The following USP49 variants were observed in gnomAD, a reference collection of about 807,000 sequenced individuals.
USP49 encodes the protein ubiquitin specific peptidase 49.
A neutral mutation model predicts 58.6 loss-of-function variants in USP49; 24 were observed. The observed-to-expected ratio is 0.41, with a 90% confidence interval of 0.30 to 0.58. The LOEUF is 0.58. Among genes scored for constraint, USP49 ranks in the 20% least tolerant of loss-of-function variants. The pLI is 0.30. For missense variants in USP49, 703 were observed against 866.1 expected (o/e 0.81, Z 2.36); for synonymous variants, 408 against 365.1 (o/e 1.12, Z -1.34).
At chr6:41,821,404 TTAG>T in intron 3 of USP49, among the ~76,000 whole-genome samples, 1 of 152,222 alleles carries the variant, frequency 6.6e-6, no homozygotes, top group Admixed American at 6.5e-5. Context: ...TGAAGCCACT[TTAG>T]TCAGTCTGTT....
chr6:41,872,719 A>G (rs1410189481), intron 2 of USP49, among the ~76,000 whole-genome samples: 3 of 149,744 alleles, frequency 2.0e-5, no homozygotes, highest in South Asian at 4.3e-4. Context: ...TAACATGGTG[A>G]AACCCCATCT....
intron 3 of USP49, among the ~76,000 whole-genome samples, chr6:41,835,804 T>G (rs1033091606): frequency 1.3e-5 from 2 of 151,724 alleles, no homozygotes; most frequent in South Asian, 4.2e-4. Flanking sequence ...CTGGGCACAG[T>G]AGCTCATGCC....
In USP49 at chr6:41,811,075, CA is replaced by C. The variant is rs564568674; in HGVS notation, c.-28-4065del. Among the ~76,000 whole-genome samples, 102 of 152,184 alleles carry C rather than the reference CA, an allele frequency of 6.7e-4. 3 individuals carry two copies. The South Asian group carries it at 0.015, about 22-fold the overall frequency. ...CAAATAAATAAATATACTGCAGGAC[CA>C]AATTAGAGATTCTTCCCTTTTTTAT... is the stretch of plus-strand genomic sequence containing the variant. On this transcript the variant is annotated intron_variant, in intron 3 of 7. Transcript: ENST00000682992.
chr6:41,854,000 G>GA lies in USP49; in HGVS notation c.-29+17563dup, dbSNP rs1314186814. The stretch of plus-strand genomic sequence containing the variant: ...GGCAACAACAGCGAGACTCTGTCTC[G>GA]AAAAAAAAAAAAAAAAAAAAAAAGA... On this transcript the variant is annotated intron_variant, in intron 3 of 7. Transcript: ENST00000682992. 5.5e-4 allele frequency among the ~76,000 whole-genome samples: 62 copies of GA among 113,136 alleles called. 1 individual carries two copies. Among genetic ancestry groups the GA allele is most frequent in the East Asian group, 1.7e-3 (6 of 3,620 alleles). 74.2% of individuals were successfully genotyped at this position (113,136 alleles called of 152,430 possible).
At chr6:41,809,668 T>C (rs1285388778) in intron 3 of USP49, among the ~76,000 whole-genome samples, 3 of 131,228 alleles carry the variant, frequency 2.3e-5, no homozygotes, top group Admixed American at 7.7e-5. Flanking sequence ...CTACTAAAAA[T>C]ACAAAAAATT....
chr6:41,795,124 T>C lies in USP49; in HGVS notation c.*1409A>G, dbSNP rs1772865328. 1 of 152,212 alleles carries C rather than the reference T, an allele frequency of 6.6e-6. No homozygotes were observed. Among genetic ancestry groups the C allele is most frequent in the Admixed American group, 6.5e-5 (1 of 15,282 alleles). 9.4% of individuals were successfully genotyped at this position (152,212 alleles called of 1,614,324 possible). ...TACCTGAATTCAAACATTAATATGA[T>C]ATACTCAGTCAAAAGATGAGCATTC... is the stretch of plus-strand genomic sequence containing the variant. On this transcript the variant is annotated 3_prime_UTR_variant, in exon 8 of 8. Coordinates refer to ENST00000682992, the MANE Select transcript of USP49 (RefSeq NM_001286554.2).
chr6:41,805,699 A>G lies in USP49; in HGVS notation c.1285T>C (p.Ser429Pro). The change falls in exon 4 of 8, where the codon TCC becomes CCC. Residue 429 changes from serine to proline, a missense_variant. By Grantham distance (74) the Ser-to-Pro change is moderately conservative. Transcript: ENST00000682992. The stretch of plus-strand genomic sequence containing the variant: ...ACCTGTTTGGTGAGCTTCCTCTGGG[A>G]GAAGGGGATGAGGATCCGGCGTGTG... ...GTTRRILIPF[S>P]QRKLTKQVLK... 6.2e-7 allele frequency: 1 copy of G among 1,614,052 alleles called. No homozygotes were observed. The highest frequency in any genetic ancestry group is 8.5e-7 in the Non-Finnish European group (1 of 1,180,000).
intron 2 of USP49, among the ~76,000 whole-genome samples, chr6:41,879,369 C>T (rs1317652495): frequency 2.0e-5 from 3 of 152,140 alleles, no homozygotes; most frequent in Non-Finnish European, 4.4e-5. Context: ...GCTGGGACCA[C>T]AGGTGCATGC....
intron 3 of USP49, among the ~76,000 whole-genome samples, chr6:41,871,354 T>A (rs2149274): frequency 6.6e-6 from 1 of 151,928 alleles, no homozygotes; most frequent in Non-Finnish European, 1.5e-5. Context: ...ACTTCAAATA[T>A]GGCTGTGTCC....
intron 5 of USP49, among the ~76,000 whole-genome samples, chr6:41,801,323 C>CT (rs1772993499): frequency 6.6e-6 from 1 of 152,150 alleles, no homozygotes; most frequent in Non-Finnish European, 1.5e-5. Context: ...GCATCTGATT[C>CT]CAAGTCCTGT....
intron 2 of USP49, among the ~76,000 whole-genome samples, chr6:41,872,311 C>T (rs555172698): frequency 3.3e-5 from 5 of 152,338 alleles, no homozygotes; most frequent in Middle Eastern, 3.4e-3. Flanking sequence ...TTGTGTCATC[C>T]TAACAGCTAA....
At chr6:41,807,596 C>G (rs1773165007) in intron 3 of USP49, among the ~76,000 whole-genome samples, 1 of 152,068 alleles carries the variant, frequency 6.6e-6, no homozygotes, top group South Asian at 2.1e-4. Context: ...GCCACGCCAC[C>G]ACACCCGGCT....
intron 4 of USP49, 132 bp from the exon 5 acceptor site, chr6:41,804,142 A>G: frequency 2.8e-6 from 2 of 713,504 alleles, no homozygotes; most frequent in Non-Finnish European, 4.4e-6. Context: ...TATTAAAATA[A>G]TAAACATAAC....
chr6:41,866,656 G>A (rs1289137903), intron 3 of USP49, among the ~76,000 whole-genome samples: 1 of 152,186 alleles, frequency 6.6e-6, no homozygotes, highest in Non-Finnish European at 1.5e-5. Context: ...AATGAGAAGA[G>A]TGGCCTTATT....
At chr6:41,894,448 T>C (rs1774861986) in intron 1 of USP49, 1 of 152,180 alleles carries the variant, frequency 6.6e-6, no homozygotes, top group African/African-American at 2.4e-5. Flanking sequence ...TCCCTCACTT[T>C]ACAGAATTTA....
intron 3 of USP49, among the ~76,000 whole-genome samples, chr6:41,866,299 C>A (rs7739064): frequency 0.46 from 69,526 of 151,790 alleles, 16,155 homozygotes; most frequent in Middle Eastern, 0.51. Flanking sequence ...CTGAGACACA[C>A]CAGTGCTATC....
chr6:41,865,637 G>A (rs891915066), intron 3 of USP49, among the ~76,000 whole-genome samples: 1 of 150,758 alleles, frequency 6.6e-6, no homozygotes, highest in African/African-American at 2.4e-5. Context: ...CACCATGCTC[G>A]GCTTGTTTTT....
Position 41,802,602 on chromosome 6 carries a change from T to C in USP49, c.1561+1204A>G, listed in dbSNP as rs906954326. Among the ~76,000 whole-genome samples, 7 of 101,096 alleles carry C rather than the reference T, an allele frequency of 6.9e-5. No individual in the cohort carries two copies. The East Asian group carries it at 2.7e-3, about 39-fold the overall frequency. 66.3% of individuals were successfully genotyped at this position (101,096 alleles called of 152,430 possible). ...AGCCACTGCACCTGGCCTAAGATTT[T>C]TTTTTTCTTCAAAACTGGTAATCTA... On this transcript the variant is annotated intron_variant, in intron 5 of 7. Coordinates refer to ENST00000682992, the MANE Select transcript of USP49 (RefSeq NM_001286554.2).
chr6:41,803,219 G>A lies in USP49; in HGVS notation c.1561+587C>T, dbSNP rs1432063032. On this transcript the variant is annotated intron_variant, in intron 5 of 7. Coordinates refer to ENST00000682992, the MANE Select transcript of USP49 (RefSeq NM_001286554.2). This position sits in a 1 kb window ranked among gnomAD's most constrained non-coding sequence, Gnocchi z 4.1. Reference sequence around the variant, plus strand: ...CATTCTCAGAGTCCCCATTTCAGGAGCCACAACTTTAAAATCCCTTCCAAG... The same window carrying A: ...CATTCTCAGAGTCCCCATTTCAGGAACCACAACTTTAAAATCCCTTCCAAG... Among the ~76,000 whole-genome samples, 1 of 152,192 alleles carries A rather than the reference G, an allele frequency of 6.6e-6. No homozygotes were observed. The highest frequency in any genetic ancestry group is 1.9e-4 in the East Asian group (1 of 5,198).
Sources: allele counts gnomAD v4.1 joint callset (sites outside exome capture counted in the v4.1 genomes callset), GRCh38; gene constraint gnomAD v4.1.1; non-coding constraint Gnocchi (gnomAD v3.1); transcripts MANE v1.5; gene names NCBI Gene and HGNC (gene_info 2026-07-23, HGNC 2026-07-21).